Variants in TENT4A observed in about 807,000 individuals in gnomAD.
TENT4A encodes terminal nucleotidyltransferase 4A.
Under a neutral mutation model 72.8 loss-of-function variants are expected in TENT4A, and 7 were observed. The ratio of observed to expected loss-of-function variants is 0.10; its 90% CI spans 0.05 to 0.18. The LOEUF is 0.18. TENT4A is among the 10% of genes least tolerant of loss of function. The pLI, the probability that TENT4A is intolerant of heterozygous loss-of-function variation, is 1.00. For missense variants in TENT4A, 831 were observed against 1,017.7 expected (o/e 0.82, Z 2.50); for synonymous variants, 456 against 434.3 (o/e 1.05, Z -0.62).
intron 6 of TENT4A, 48 bp downstream of exon 6, chr5:6,743,888 TAG>T: frequency 6.3e-7 from 1 of 1,587,436 alleles, no homozygotes; most frequent in Non-Finnish European, 8.6e-7. Context: ...TGTGTAAGAG[TAG>T]ACTCTTCCAA....
At position 6,739,070 on chromosome 5, in the gene TENT4A, G is replaced by A. The variant is rs1741664451; in HGVS notation, c.887+341G>A. 2.0e-5 allele frequency among the ~76,000 whole-genome samples: 3 copies of A among 152,158 alleles called. No homozygotes were observed. In the South Asian group the frequency reaches 6.2e-4, roughly 32 times the overall value. On this transcript the variant is annotated intron_variant, in intron 3 of 12. Coordinates refer to ENST00000230859, the MANE Select transcript of TENT4A (RefSeq NM_006999.6). ...CATGTGTTTGAAAAATTGATCTTAT[G>A]TTTTGATGAAGATTCAAGCAAAATT...
rs770148051 is a variant in TENT4A, at chr5:6,752,911, T to A, written c.2058T>A (p.Ala686=). ...TACCTCCACCGACCCTAGGGGTTGC[T>A]CCTGTTCCTTGCAGACAAGCTGGTG... ...FTIPPPTLGV[A]PVPCRQAGVE... The change falls in exon 12 of 13, where the codon GCT becomes GCA. Residue 686 remains alanine, a synonymous_variant. Transcript: ENST00000230859. 1.2e-6 allele frequency: 2 copies of A among 1,614,212 alleles called. No individual in the cohort carries two copies. Among genetic ancestry groups the A allele is most frequent in the East Asian group, 2.2e-5 (1 of 44,884 alleles).
intron 1 of TENT4A, among the ~76,000 whole-genome samples, chr5:6,732,704 G>A (rs756207989): frequency 1.3e-5 from 2 of 152,098 alleles, no homozygotes; most frequent in African/African-American, 4.8e-5. Context: ...TTCTGTTTTC[G>A]AGTAGTTTCC....
Position 6,750,437 on chromosome 5 carries a change from C to T in TENT4A, c.1794C>T (p.Ser598=), listed in dbSNP as rs1426281056. Residue 598 remains serine (S), a synonymous_variant, in exon 10 of 13, where the codon TCC becomes TCT. Coordinates refer to ENST00000230859, the MANE Select transcript of TENT4A (RefSeq NM_006999.6). ...GCCAGCGCTTGACTTTGTCGCTGTC[C>T]AGCCCCCAGCTCCTGTCTTCAGGCT... ...PYGQRLTLSL[S]SPQLLSSGSS... 6.2e-7 allele frequency: 1 copy of T among 1,612,566 alleles called. No homozygotes were observed. The highest frequency in any genetic ancestry group is 8.5e-7 in the Non-Finnish European group (1 of 1,179,272).
chr5:6,731,141 T>G (rs566528182), intron 1 of TENT4A, among the ~76,000 whole-genome samples: 138 of 152,356 alleles, frequency 9.1e-4, no homozygotes, highest in South Asian at 1.7e-3. Flanking sequence ...ATTGTTTTTT[T>G]GGGCAAAAAT....
At chr5:6,720,297 G>A (rs1740580383) in intron 1 of TENT4A, among the ~76,000 whole-genome samples, 1 of 152,172 alleles carries the variant, frequency 6.6e-6, no homozygotes, top group Non-Finnish European at 1.5e-5. Flanking sequence ...GTAGGGTGTA[G>A]GACCTTGAGG....
chr5:6,746,259 A>G lies in TENT4A; in HGVS notation c.1291A>G (p.Met431Val). The change falls in exon 7 of 13, where the codon ATG becomes GTG. Residue 431 changes from methionine to valine, a missense_variant. Transcript: ENST00000230859. ...CCGGAGAGCTGATGAAAACCTTGGA[A>G]TGCTTCTTGTAGAATTTTTTGAACT... is the stretch of plus-strand genomic sequence containing the variant. ...DARRADENLG[M>V]LLVEFFELYG... is the part of the protein sequence containing the mutation. The G allele has an allele frequency of 1.9e-6, 3 of 1,614,220 alleles. No homozygotes were observed. Among genetic ancestry groups the G allele is most frequent in the East Asian group, 2.2e-5 (1 of 44,886 alleles).
At chr5:6,742,834 A>G (rs1741882174) in intron 5 of TENT4A, among the ~76,000 whole-genome samples, 1 of 152,124 alleles carries the variant, frequency 6.6e-6, no homozygotes, top group Non-Finnish European at 1.5e-5. Flanking sequence ...TATTTTAGAG[A>G]GCTTTGTTAA....
At chr5:6,718,370 C>G (rs1285880218) in intron 1 of TENT4A, among the ~76,000 whole-genome samples, 1 of 152,228 alleles carries the variant, frequency 6.6e-6, no homozygotes, top group Admixed American at 6.5e-5. Context: ...CAGGTGTGAC[C>G]TGTCCGGAAC....
chr5:6,728,244 T>A (rs1741037456), intron 1 of TENT4A, among the ~76,000 whole-genome samples: 1 of 146,606 alleles, frequency 6.8e-6, no homozygotes, highest in South Asian at 2.2e-4. Flanking sequence ...ACAGTGAGTG[T>A]CTGGTCACAG....
intron 1 of TENT4A, among the ~76,000 whole-genome samples, chr5:6,732,447 G>C (rs937023144): frequency 1.3e-5 from 2 of 152,132 alleles, no homozygotes; most frequent in Non-Finnish European, 2.9e-5. Flanking sequence ...TCAGTAAGTT[G>C]GGTCTCATAA....
chr5:6,721,441 G>C (rs1248146358), intron 1 of TENT4A, among the ~76,000 whole-genome samples: 1 of 152,208 alleles, frequency 6.6e-6, no homozygotes, highest in Non-Finnish European at 1.5e-5. Flanking sequence ...TACTGTATTT[G>C]AAAAACATCA....
chr5:6,736,889 C>T (rs1487881115), intron 1 of TENT4A, among the ~76,000 whole-genome samples: 1 of 152,226 alleles, frequency 6.6e-6, no homozygotes, highest in Non-Finnish European at 1.5e-5. Context: ...GTATTGAATT[C>T]GATCAGCTTT....
intron 1 of TENT4A, among the ~76,000 whole-genome samples, chr5:6,722,416 A>G (rs188256458): frequency 3.9e-5 from 6 of 152,310 alleles, no homozygotes; most frequent in African/African-American, 1.4e-4. Flanking sequence ...ACTGCTAAAG[A>G]CTGAATATTC....
intron 7 of TENT4A, among the ~76,000 whole-genome samples, chr5:6,746,963 A>G (rs1456772338): frequency 1.3e-5 from 2 of 152,198 alleles, no homozygotes; most frequent in Non-Finnish European, 2.9e-5. Flanking sequence ...AGGCTGGGCT[A>G]GAGGTTTCCC....
At chr5:6,716,986 A>G (rs1740419674) in intron 1 of TENT4A, among the ~76,000 whole-genome samples, 1 of 152,224 alleles carries the variant, frequency 6.6e-6, no homozygotes, top group Non-Finnish European at 1.5e-5. Flanking sequence ...CCAGAAGGGC[A>G]CGGTGACCTC....
At chr5:6,729,047 A>G (rs1741076896) in intron 1 of TENT4A, among the ~76,000 whole-genome samples, 1 of 152,184 alleles carries the variant, frequency 6.6e-6, no homozygotes, top group Non-Finnish European at 1.5e-5. Flanking sequence ...GTATAGATAG[A>G]TGTACACAAT....
At chr5:6,723,275 T>C (rs1204510426) in intron 1 of TENT4A, among the ~76,000 whole-genome samples, 1 of 134,862 alleles carries the variant, frequency 7.4e-6, no homozygotes, top group African/African-American at 3.1e-5. Flanking sequence ...TGTTATGACC[T>C]GGAGTGTCTC....
chr5:6,717,359 T>C (rs917208892), intron 1 of TENT4A, among the ~76,000 whole-genome samples: 2 of 152,238 alleles, frequency 1.3e-5, no homozygotes, highest in East Asian at 3.9e-4. Context: ...GCAGTGTGTA[T>C]TCCTCATGGG....
Sources: allele counts gnomAD v4.1 joint callset (sites outside exome capture counted in the v4.1 genomes callset), GRCh38; gene constraint gnomAD v4.1.1; transcripts MANE v1.5; gene names NCBI Gene and HGNC (gene_info 2026-07-23, HGNC 2026-07-21).